Variants in RAB33A observed in about 807,000 individuals in gnomAD.
The protein encoded by RAB33A is ras-related protein Rab-33A.
Under a neutral mutation model 12.0 loss-of-function variants are expected in RAB33A, and 6 were observed. The ratio of observed to expected loss-of-function variants is 0.50; its 90% confidence interval spans 0.27 to 0.99. The LOEUF is 0.99. RAB33A is among the 50% of genes least tolerant of loss of function. RAB33A has a pLI of 0.11. For missense variants in RAB33A, 109 were observed against 192.0 expected (o/e 0.57, Z 2.55); for synonymous variants, 70 against 82.4 (o/e 0.85, Z 0.81).
chrX:130,147,395 C>T, the RAB33A span: 1 of 1,078,341 alleles, frequency 9.3e-7, no homozygotes, highest in Non-Finnish European at 1.3e-6. Flanking sequence ...ACAGCCAAGC[C>T]ATCCCTCCTA....
the RAB33A span, among the ~76,000 whole-genome samples, chrX:130,152,587 T>G: frequency 8.9e-6 from 1 of 112,007 alleles, no homozygotes; most frequent in Admixed American, 9.5e-5. Flanking sequence ...AATGCAATCC[T>G]ATAGCTTAAC....
chrX:130,171,711 CA>C, upstream of RAB33A: 1 of 216,222 alleles, frequency 4.6e-6, no homozygotes, highest in Non-Finnish European at 8.4e-6. Context: ...GCGGCTGGAG[CA>C]GCGCGGTAGG....
the RAB33A span, chrX:130,130,064 T>C: frequency 1.7e-6 from 2 of 1,211,556 alleles, no homozygotes; most frequent in Non-Finnish European, 2.2e-6. Context: ...TTTGCCGTAG[T>C]CCTCCCCCTG....
At chrX:130,119,117 C>T in the RAB33A span, among the ~76,000 whole-genome samples, 1 of 111,250 alleles carries the variant, frequency 9.0e-6, no homozygotes, top group African/African-American at 3.3e-5. Context: ...CAATTCCACT[C>T]TTCGGAGGAA....
At chrX:130,152,785 G>C in the RAB33A span, among the ~76,000 whole-genome samples, 1 of 111,852 alleles carries the variant, frequency 8.9e-6, no homozygotes. Flanking sequence ...AATCCGAGCA[G>C]CAGAAGCACT....
chrX:130,133,967 G>T, the RAB33A span, among the ~76,000 whole-genome samples: 3 of 110,896 alleles, frequency 2.7e-5, no homozygotes, highest in Non-Finnish European at 5.7e-5. Flanking sequence ...TCCAGGCCAG[G>T]TGCAGTGGCA....
chrX:130,152,880 C>T, the RAB33A span, among the ~76,000 whole-genome samples: 3,458 of 111,910 alleles, frequency 0.031, 59 homozygotes, highest in Middle Eastern at 0.06. Context: ...CAGCATTAGA[C>T]GCAAACACAA....
rs756934695 is a variant in RAB33A at position 130,184,788 on chromosome X, T to C, written c.*48T>C. ...ATAAATTATCACTGGAGTTTTTTCTTTCCCTTTTTTCTGTGCCTGCATAAT... is the reference window on the plus strand; with the variant it reads ...ATAAATTATCACTGGAGTTTTTTCTCTCCCTTTTTTCTGTGCCTGCATAAT... On this transcript the variant is annotated 3_prime_UTR_variant, in exon 2 of 2. Coordinates refer to ENST00000257017, the MANE Select transcript of RAB33A (RefSeq NM_004794.3). 16 of 1,097,885 alleles carry C rather than the reference T, an allele frequency of 1.5e-5. No individual in the cohort carries two copies. The highest frequency in any genetic ancestry group is 2.7e-4 in the Middle Eastern group (1 of 3,646). 90.5% of individuals were successfully genotyped at this position (1,097,885 alleles called of 1,213,427 possible).
At chrX:130,155,769 A>G in the RAB33A span, among the ~76,000 whole-genome samples, 1 of 112,070 alleles carries the variant, frequency 8.9e-6, no homozygotes, top group South Asian at 3.7e-4. Flanking sequence ...CTTTAGACTG[A>G]TCGGCTTAGT....
chrX:130,169,674 T>C (rs1421916888), upstream of RAB33A, among the ~76,000 whole-genome samples: 1 of 112,465 alleles, frequency 8.9e-6, no homozygotes, highest in African/African-American at 3.2e-5. Flanking sequence ...TTTTGAGATA[T>C]CATATTTTCA....
the RAB33A span, among the ~76,000 whole-genome samples, chrX:130,153,247 G>A: frequency 9.5e-6 from 1 of 105,520 alleles, no homozygotes; most frequent in Non-Finnish European, 2.0e-5. Flanking sequence ...CTACTCCTCG[G>A]GAGGCTGAGG....
At chrX:130,179,815 G>A (rs1268070865) in intron 1 of RAB33A, among the ~76,000 whole-genome samples, 1 of 101,662 alleles carries the variant, frequency 9.8e-6, no homozygotes, top group Admixed American at 1.1e-4. Context: ...TAATGATGAT[G>A]ATGACAACCT....
chrX:130,135,684 T>C, the RAB33A span, among the ~76,000 whole-genome samples: 6 of 111,558 alleles, frequency 5.4e-5, no homozygotes, highest in Non-Finnish European at 1.1e-4. Flanking sequence ...GGTTATAACA[T>C]TGCTTCATCC....
chrX:130,117,009 C>G, the RAB33A span, among the ~76,000 whole-genome samples: 5 of 111,891 alleles, frequency 4.5e-5, no homozygotes, highest in East Asian at 1.1e-3. Context: ...GTCAGGAGAT[C>G]GAGACCATCC....
chrX:130,171,334 G>A (rs2031603210), upstream of RAB33A, among the ~76,000 whole-genome samples: 1 of 112,213 alleles, frequency 8.9e-6, no homozygotes, highest in African/African-American at 3.2e-5. Context: ...TAGAGGGGAC[G>A]GGGTAGCGGG....
At chrX:130,144,603 T>G in the RAB33A span, among the ~76,000 whole-genome samples, 1 of 111,693 alleles carries the variant, frequency 9.0e-6, no homozygotes, top group African/African-American at 3.3e-5. Flanking sequence ...GATTGCCCAT[T>G]CTGTAAGACC....
chrX:130,144,546 T>G, the RAB33A span, among the ~76,000 whole-genome samples: 1 of 111,624 alleles, frequency 9.0e-6, no homozygotes, highest in Non-Finnish European at 1.9e-5. Flanking sequence ...TTTACTTGGA[T>G]GCTCTTCAGT....
the RAB33A span, chrX:130,137,632 T>C: frequency 8.9e-7 from 1 of 1,123,946 alleles, no homozygotes; most frequent in South Asian, 2.2e-5. Flanking sequence ...TTTTGGCATT[T>C]TACAGGAAGC....
the RAB33A span, among the ~76,000 whole-genome samples, chrX:130,156,870 G>C: frequency 3.6e-5 from 4 of 111,612 alleles, no homozygotes; most frequent in Non-Finnish European, 5.6e-5. Context: ...TGAAAAACAC[G>C]AACAGTTCAT....
Sources: gnomAD v4.1 joint callset for allele counts (sites outside exome capture counted in the v4.1 genomes callset) on GRCh38, gnomAD v4.1.1 for gene constraint, MANE v1.5 for transcripts, NCBI Gene and HGNC (gene_info 2026-07-23, HGNC 2026-07-21) for gene names.